The following MDGA2 variants were observed in gnomAD, a reference collection of about 807,000 sequenced individuals.
MDGA2 encodes MAM domain containing glycosylphosphatidylinositol anchor 2, also known as MAM domain-containing glycosylphosphatidylinositol anchor protein 2.
A neutral mutation model predicts 117.8 loss-of-function variants in MDGA2; 40 were observed. The observed-to-expected ratio is 0.34, with a 90% CI of 0.26 to 0.44. The LOEUF (loss-of-function observed/expected upper bound fraction) is 0.44, where lower values mean the gene tolerates loss of function less well. MDGA2 is among the 20% of genes least tolerant of loss of function. The pLI is 1.00. For synonymous variants in MDGA2, 452 were observed against 439.0 expected (o/e 1.03, Z -0.37); for missense variants, 1,123 against 1,250.6 (o/e 0.90, Z 1.54).
chr14:47,171,937 C>T (rs1165041140), intron 3 of MDGA2, among the ~76,000 whole-genome samples: 2 of 152,174 alleles, frequency 1.3e-5, no homozygotes, highest in Admixed American at 1.3e-4. Context: ...CGGGTCATTC[C>T]CACCCTAATA....
chr14:47,291,784 T>A (rs892891532), intron 2 of MDGA2, among the ~76,000 whole-genome samples: 2 of 152,196 alleles, frequency 1.3e-5, no homozygotes, highest in Admixed American at 1.3e-4. Flanking sequence ...TGCTTATGAC[T>A]TTTGCACCAT....
rs192968220 is a variant in MDGA2, at chr14:46,985,940, A to G, written c.1820-28297T>C. Among the ~76,000 whole-genome samples, 583 of 152,150 alleles carry G rather than the reference A, an allele frequency of 3.8e-3. 8 individuals are homozygous for G. The highest frequency in any genetic ancestry group is 0.014 in the African/African-American group (568 of 41,546). ...AACTGAGTCATTTTTTTTCTAGGAA[A>G]AAGACACAAAACCTCAAGACTTCTA... is the stretch of plus-strand genomic sequence containing the variant. On this transcript the variant is annotated intron_variant, in intron 8 of 16. Coordinates refer to ENST00000399232, the MANE Select transcript of MDGA2 (RefSeq NM_001113498.3).
At chr14:47,078,516 T>A (rs1890580099) in intron 6 of MDGA2, among the ~76,000 whole-genome samples, 1 of 152,092 alleles carries the variant, frequency 6.6e-6, no homozygotes, top group East Asian at 1.9e-4. Context: ...ATATCAAATT[T>A]TTGAAATATA....
chr14:47,134,494 G>A (rs191255086), intron 4 of MDGA2, among the ~76,000 whole-genome samples: 1 of 152,002 alleles, frequency 6.6e-6, no homozygotes, highest in East Asian at 1.9e-4. Flanking sequence ...AAGTGGGTCT[G>A]TTACTCTAGT....
chr14:46,861,731 C>T (rs1304666455), intron 14 of MDGA2, among the ~76,000 whole-genome samples: 1 of 151,880 alleles, frequency 6.6e-6, no homozygotes, highest in African/African-American at 2.4e-5. Flanking sequence ...TCAGTGAATG[C>T]AAACTACTTA....
intron 6 of MDGA2, among the ~76,000 whole-genome samples, chr14:47,089,894 G>GTATTGAGA (rs1879538307): frequency 6.6e-6 from 1 of 151,826 alleles, no homozygotes; most frequent in African/African-American, 2.4e-5. Context: ...CCTGATAACT[G>GTATTGAGA]TATTGAGATG....
At chr14:47,257,882 CT>C (rs1887675112) in intron 2 of MDGA2, among the ~76,000 whole-genome samples, 1 of 152,106 alleles carries the variant, frequency 6.6e-6, no homozygotes, top group Non-Finnish European at 1.5e-5. Flanking sequence ...AAAACAGATA[CT>C]TCTCATGTAT....
At chr14:47,656,783 C>T (rs953516299) in intron 1 of MDGA2, among the ~76,000 whole-genome samples, 2 of 152,114 alleles carry the variant, frequency 1.3e-5, no homozygotes, top group Non-Finnish European at 2.9e-5. Context: ...AACAATTTCT[C>T]CAATTCTACA....
chr14:46,898,648 G>A (rs1883171466), intron 10 of MDGA2, among the ~76,000 whole-genome samples: 1 of 152,010 alleles, frequency 6.6e-6, no homozygotes, highest in South Asian at 2.1e-4. Context: ...AAGTATTATG[G>A]CAATCACATA....
intron 10 of MDGA2, among the ~76,000 whole-genome samples, chr14:46,909,449 G>A (rs1883617200): frequency 6.6e-6 from 1 of 152,076 alleles, no homozygotes; most frequent in Admixed American, 6.6e-5. Context: ...GTGAGCAGAA[G>A]CACCGTATGT....
At chr14:47,241,435 C>T (rs17652736) in intron 2 of MDGA2, among the ~76,000 whole-genome samples, 70,061 of 151,544 alleles carry the variant, frequency 0.46, 17,537 homozygotes, top group Admixed American at 0.61. Context: ...AATGTCAATT[C>T]CTTCACAGGA....
At chr14:47,373,235 G>C (rs777807874) in intron 1 of MDGA2, among the ~76,000 whole-genome samples, 1 of 151,902 alleles carries the variant, frequency 6.6e-6, no homozygotes, top group Admixed American at 6.6e-5. Flanking sequence ...CATTCAATTA[G>C]CTTTGGGAAA....
intron 1 of MDGA2, among the ~76,000 whole-genome samples, chr14:47,355,568 C>G (rs1402120746): frequency 6.6e-6 from 1 of 151,002 alleles, no homozygotes; most frequent in African/African-American, 2.4e-5. Flanking sequence ...GCAGGCTTTG[C>G]ACTCTCTAGG....
intron 14 of MDGA2, among the ~76,000 whole-genome samples, chr14:46,872,131 A>G (rs2138359539): frequency 6.6e-6 from 1 of 152,072 alleles, no homozygotes; most frequent in East Asian, 1.9e-4. Flanking sequence ...AAACTTCTTG[A>G]GGTTCAGTTT....
chr14:47,175,248 G>A (rs1884383279), intron 3 of MDGA2, among the ~76,000 whole-genome samples: 3 of 151,750 alleles, frequency 2.0e-5, no homozygotes, highest in African/African-American at 7.3e-5. Context: ...CATTCCTTGT[G>A]AAACTATTCC....
At chr14:47,188,336 T>C (rs997342739) in intron 3 of MDGA2, among the ~76,000 whole-genome samples, 1 of 152,216 alleles carries the variant, frequency 6.6e-6, no homozygotes, top group Non-Finnish European at 1.5e-5. Flanking sequence ...ATTGCTCTCT[T>C]GCTTGCTTGC....
intron 3 of MDGA2, among the ~76,000 whole-genome samples, chr14:47,209,113 T>G (rs1885791863): frequency 6.6e-6 from 1 of 152,194 alleles, no homozygotes. Context: ...GCATCACTTT[T>G]CCCTTAGTAC....
intron 1 of MDGA2, among the ~76,000 whole-genome samples, chr14:47,519,525 T>C (rs1894824999): frequency 6.6e-6 from 1 of 152,326 alleles, no homozygotes; most frequent in Non-Finnish European, 1.5e-5. Flanking sequence ...TAATGCTTAA[T>C]GGAAATAGTT....
At chr14:47,631,131 T>TA (rs1897244308) in intron 1 of MDGA2, among the ~76,000 whole-genome samples, 1 of 152,198 alleles carries the variant, frequency 6.6e-6, no homozygotes, top group African/African-American at 2.4e-5. Context: ...TGCTACCTCT[T>TA]AGAGATTCTA....
Sources: gnomAD v4.1 joint callset for allele counts (sites outside exome capture counted in the v4.1 genomes callset) on GRCh38, gnomAD v4.1.1 for gene constraint, MANE v1.5 for transcripts, NCBI Gene and HGNC (gene_info 2026-07-23, HGNC 2026-07-21) for gene names.